The following LRRC4C variants were observed in gnomAD, a reference collection of about 807,000 sequenced individuals.
LRRC4C encodes leucine-rich repeat-containing protein 4C.
A neutral mutation model predicts 33.6 loss-of-function variants in LRRC4C; 5 were observed. That is an observed-to-expected ratio of 0.15 (90% CI 0.08 to 0.31). The LOEUF (loss-of-function observed/expected upper bound fraction) is 0.31, where lower values mean the gene tolerates loss of function less well. Ranked by LOEUF, LRRC4C falls within the 10% of genes least tolerant of loss-of-function variation. LRRC4C has a pLI of 1.00. For synonymous variants in LRRC4C, 329 were observed against 302.0 expected (o/e 1.09, Z -0.93); for missense variants, 560 against 796.7 (o/e 0.70, Z 3.58).
intron 1 of LRRC4C, among the ~76,000 whole-genome samples, chr11:40,979,953 A>C (rs1852387810): frequency 6.6e-6 from 1 of 152,226 alleles, no homozygotes; most frequent in African/African-American, 2.4e-5. Context: ...AACATTTTAT[A>C]AAATTTCTTA....
chr11:40,498,385 C>T (rs56233309), intron 3 of LRRC4C, among the ~76,000 whole-genome samples: 15,379 of 152,182 alleles, frequency 0.1, 859 homozygotes, highest in Middle Eastern at 0.14. Context: ...GCCACTGATG[C>T]CGCAAATAGT....
intron 1 of LRRC4C, among the ~76,000 whole-genome samples, chr11:41,411,776 C>T (rs945449660): frequency 2.0e-5 from 3 of 152,108 alleles, no homozygotes; most frequent in African/African-American, 7.2e-5. Flanking sequence ...CTTCTGTTTC[C>T]TCCCACATCC....
rs894630858 is a variant in LRRC4C at position 41,332,126 on chromosome 11, C to T, written c.-496+127305G>A. 2.6e-5 allele frequency among the ~76,000 whole-genome samples: 4 copies of T among 151,998 alleles called. 1 individual carries two copies. The highest frequency in any genetic ancestry group is 6.6e-5 in the Admixed American group (1 of 15,244). ...CTTAGAACAGTACCTTTCACAGAGT[C>T]GAAGCTTAGTAAATATTTATTGAAT... On this transcript the variant is annotated intron_variant, in intron 1 of 6. Coordinates refer to ENST00000528697, the MANE Select transcript of LRRC4C (RefSeq NM_001258419.2).
chr11:40,976,943 A>T (rs917502980), intron 1 of LRRC4C, among the ~76,000 whole-genome samples: 18 of 152,258 alleles, frequency 1.2e-4, no homozygotes, highest in African/African-American at 3.6e-4. Flanking sequence ...TAGTAATAAT[A>T]ATGAAATAAT....
intron 1 of LRRC4C, among the ~76,000 whole-genome samples, chr11:41,257,943 C>G (rs903878104): frequency 1.3e-5 from 2 of 151,806 alleles, no homozygotes; most frequent in African/African-American, 4.8e-5. Flanking sequence ...ATCTATAAAT[C>G]CATTTTTTCA....
chr11:40,734,302 G>C (rs1249855377), intron 2 of LRRC4C, among the ~76,000 whole-genome samples: 2 of 152,136 alleles, frequency 1.3e-5, no homozygotes, highest in Non-Finnish European at 2.9e-5. Context: ...ATATTGTATA[G>C]AATGCTAAAA....
At chr11:41,031,058 A>T (rs1255230066) in intron 1 of LRRC4C, among the ~76,000 whole-genome samples, 2 of 151,894 alleles carry the variant, frequency 1.3e-5, no homozygotes, top group African/African-American at 4.8e-5. Flanking sequence ...ACTTTGTCCA[A>T]GATACTGCTC....
intron 2 of LRRC4C, among the ~76,000 whole-genome samples, chr11:40,757,498 CTTAT>C (rs999003526): frequency 6.6e-6 from 1 of 151,452 alleles, no homozygotes; most frequent in Admixed American, 6.6e-5. Flanking sequence ...GGAATTGTGC[CTTAT>C]TTATTTGTTT....
Position 40,439,476 on chromosome 11 carries a change from C to T in LRRC4C, c.-269-119755G>A, listed in dbSNP as rs528639575. ...TTATTCTTTTTTTTTTTTTTTGAGA[C>T]GGAGTCTCATTCTGTCGCCCAGGCT... On this transcript the variant is annotated intron_variant, in intron 3 of 6. Transcript: ENST00000528697. 4.9e-3 allele frequency among the ~76,000 whole-genome samples: 705 copies of T among 142,646 alleles called. 3 individuals are homozygous for T. Among genetic ancestry groups the T allele is most frequent in the Non-Finnish European group, 8.3e-3 (546 of 66,020 alleles). 93.6% of individuals were successfully genotyped at this position (142,646 alleles called of 152,430 possible).
At chr11:41,220,442 C>CG (rs1190006382) in intron 1 of LRRC4C, among the ~76,000 whole-genome samples, 26 of 148,692 alleles carry the variant, frequency 1.7e-4, no homozygotes, top group South Asian at 4.3e-4. Context: ...CTTTTTTTGG[C>CG]GGGGGGGTGT....
chr11:40,833,216 A>T (rs1366967309), intron 2 of LRRC4C, among the ~76,000 whole-genome samples: 1 of 152,160 alleles, frequency 6.6e-6, no homozygotes, highest in Non-Finnish European at 1.5e-5. Context: ...GACTTAGCAT[A>T]GCTTCTCAGA....
rs1029976770 is a variant in LRRC4C, at chr11:40,725,424, C to T, written c.-406-77146G>A. On this transcript the variant is annotated intron_variant, in intron 2 of 6. Transcript: ENST00000528697. The stretch of plus-strand genomic sequence containing the variant: ...TAGGGAGGCTGAGGCAGGAGAATGG[C>T]GTGAACCTGGGAGGTGAAGCTTGCA... 3.3e-5 allele frequency among the ~76,000 whole-genome samples: 5 copies of T among 151,758 alleles called. 1 individual carries two copies. Among genetic ancestry groups the T allele is most frequent in the East Asian group, 3.9e-4 (2 of 5,118 alleles).
intron 1 of LRRC4C, among the ~76,000 whole-genome samples, chr11:41,413,591 C>T (rs1392479716): frequency 6.6e-6 from 1 of 152,144 alleles, no homozygotes; most frequent in East Asian, 1.9e-4. Context: ...GATAACTTGT[C>T]CATCCATGTT....
intron 2 of LRRC4C, among the ~76,000 whole-genome samples, chr11:40,902,744 C>A (rs549365965): frequency 1.2e-3 from 187 of 152,248 alleles, no homozygotes; most frequent in Non-Finnish European, 2.3e-3. Context: ...GCCAAACATT[C>A]CTTTAAGTAT....
At chr11:41,323,795 G>C (rs1404520871) in intron 1 of LRRC4C, among the ~76,000 whole-genome samples, 1 of 152,080 alleles carries the variant, frequency 6.6e-6, no homozygotes, top group Non-Finnish European at 1.5e-5. Context: ...TCTGATTAAG[G>C]AATAAAAATA....
chr11:40,486,684 A>G (rs547054777), intron 3 of LRRC4C, among the ~76,000 whole-genome samples: 1 of 152,194 alleles, frequency 6.6e-6, no homozygotes, highest in South Asian at 2.1e-4. Context: ...GACACATACA[A>G]CTTATTTCCA....
At chr11:40,264,340 T>A (rs1252311815) in intron 4 of LRRC4C, among the ~76,000 whole-genome samples, 6 of 152,280 alleles carry the variant, frequency 3.9e-5, no homozygotes, top group Middle Eastern at 3.4e-3. Context: ...TTAAAAAAAA[T>A]TTTCCAATTT....
intron 3 of LRRC4C, among the ~76,000 whole-genome samples, chr11:40,495,278 G>A (rs1188088534): frequency 5.3e-5 from 8 of 151,878 alleles, no homozygotes; most frequent in Non-Finnish European, 1.2e-4. Flanking sequence ...CAAAACAAAC[G>A]AACAACCTCT....
At chr11:41,272,197 T>G (rs1315733125) in intron 1 of LRRC4C, among the ~76,000 whole-genome samples, 1 of 152,126 alleles carries the variant, frequency 6.6e-6, no homozygotes, top group African/African-American at 2.4e-5. Flanking sequence ...AATGGAATAA[T>G]AGTTTACATT....
Sources: gnomAD v4.1 joint callset for allele counts (sites outside exome capture counted in the v4.1 genomes callset) on GRCh38, gnomAD v4.1.1 for gene constraint, MANE v1.5 for transcripts, NCBI Gene and HGNC (gene_info 2026-07-23, HGNC 2026-07-21) for gene names.